Variants in ZNF343 observed in about 807,000 individuals in gnomAD.
ZNF343 encodes the protein zinc finger protein 343.
Under a neutral mutation model 13.8 loss-of-function variants are expected in ZNF343, and 11 were observed. That is an observed-to-expected ratio of 0.80 (90% CI 0.50 to 1.32). The LOEUF is 1.32. Ranked by LOEUF, ZNF343 falls within the 40% of genes most tolerant of loss-of-function variation. ZNF343 has a pLI of 0.00. For missense variants in ZNF343, 658 were observed against 714.2 expected (o/e 0.92, Z 0.90); for synonymous variants, 248 against 260.0 (o/e 0.95, Z 0.44).
chr20:2,484,491 T>C lies in ZNF343; in HGVS notation c.470A>G (p.Gln157Arg). 1 of 1,614,236 alleles carries C rather than the reference T, an allele frequency of 6.2e-7. No homozygotes were observed. The highest frequency in any genetic ancestry group is 8.5e-7 in the Non-Finnish European group (1 of 1,180,046). The change falls in exon 6 of 6, where the codon CAG becomes CGG. Residue 157 changes from glutamine (Q) to arginine (R), a missense_variant. By Grantham distance (43) the Gln-to-Arg change is conservative. Transcript: ENST00000278772. ...AAACCAACAGCTTACATGGGAATAC[T>C]GCTGCCCCTGCTGTTTCCAATGCCC... ...SPGHWKQQGQ[Q>R]YSHVSCWFEN... is the part of the protein sequence containing the mutation.
rs572467805 is a variant in ZNF343 at position 2,501,513 on chromosome 20, C to G, written c.-236-771G>C. 2.0e-5 allele frequency among the ~76,000 whole-genome samples: 3 copies of G among 152,348 alleles called. No homozygotes were observed. In the East Asian group the frequency reaches 5.8e-4, roughly 29 times the overall value. ...AGATCTGAGAATGGACAGACTGCCT[C>G]CTCAGGTGGGTCCCTGACCCCTGAG... On this transcript the variant is annotated intron_variant, in intron 1 of 5. Transcript: ENST00000278772.
rs561489880 is a variant in ZNF343 at position 2,517,019 on chromosome 20, C to T, written c.-347+7436G>A. On this transcript the variant is annotated intron_variant, in intron 1 of 6. Coordinates refer to the ZNF343 transcript ENST00000358413. The stretch of plus-strand genomic sequence containing the variant: ...TTAAGTCAGAATCATACATTCATAT[C>T]TAAGGTAACTCACTATGGTGAATTC... 2.7e-3 allele frequency among the ~76,000 whole-genome samples: 416 copies of T among 152,258 alleles called. 4 individuals are homozygous for T. Among genetic ancestry groups the T allele is most frequent in the African/African-American group, 9.7e-3 (405 of 41,544 alleles).
chr20:2,492,274 G>A (rs2085378392), intron 5 of ZNF343, among the ~76,000 whole-genome samples: 1 of 151,808 alleles, frequency 6.6e-6, no homozygotes, highest in Non-Finnish European at 1.5e-5. Flanking sequence ...CCTTCATTAA[G>A]GTCTTCGTGT....
chr20:2,520,050 T>G (rs4813518), intron 1 of ZNF343, among the ~76,000 whole-genome samples: 69,587 of 151,794 alleles, frequency 0.46, 16,414 homozygotes, highest in Admixed American at 0.51. Flanking sequence ...GGAGAGTCTG[T>G]TTCTTAGCTT....
chr20:2,519,576 C>T lies in ZNF343; in HGVS notation c.-347+4879G>A, dbSNP rs905037139. 3.9e-5 allele frequency among the ~76,000 whole-genome samples: 6 copies of T among 152,306 alleles called. No homozygotes were observed. The East Asian group carries it at 9.6e-4, about 24-fold the overall frequency. ...TGAAGCAATTCCTTATACTAAATCT[C>T]CATATGTGTGTGTGCATGTGTGTGT... On this transcript the variant is annotated intron_variant, in intron 1 of 6. Coordinates refer to the ZNF343 transcript ENST00000358413.
At chr20:2,496,071 AG>A (rs1568482372) in intron 2 of ZNF343, among the ~76,000 whole-genome samples, 1 of 152,198 alleles carries the variant, frequency 6.6e-6, no homozygotes, top group South Asian at 2.1e-4. Flanking sequence ...AGTGGGGTTT[AG>A]GGGCAAGGAG....
Position 2,483,020 on chromosome 20 carries a change from T to A in ZNF343, c.*141A>T. On this transcript the variant is annotated 3_prime_UTR_variant, in exon 6 of 6. Coordinates refer to ENST00000278772, the MANE Select transcript of ZNF343 (RefSeq NM_024325.6). ...CTGAACGTGTCCCTCCCATGCCTGA[T>A]AAGGGCTGACACATCTCTGGAACTT... 1 of 1,027,606 alleles carries A rather than the reference T, an allele frequency of 9.7e-7. No homozygotes were observed. Among genetic ancestry groups the A allele is most frequent in the Non-Finnish European group, 1.4e-6 (1 of 717,142 alleles). The allele number at this position is 1,027,606 out of a possible 1,614,324, so 63.7% of individuals were successfully genotyped here.
chr20:2,517,148 A>C (rs2085762623), intron 1 of ZNF343, among the ~76,000 whole-genome samples: 1 of 152,208 alleles, frequency 6.6e-6, no homozygotes, highest in African/African-American at 2.4e-5. Flanking sequence ...GATATGTTTC[A>C]TTGTGCATTA....
chr20:2,496,870 C>T (rs1372457571), intron 2 of ZNF343, among the ~76,000 whole-genome samples: 2 of 152,102 alleles, frequency 1.3e-5, no homozygotes, highest in African/African-American at 4.8e-5. Context: ...CACCTGAGGT[C>T]GGGAGTTTGA....
At chr20:2,505,863 A>G (rs2085647110) in intron 1 of ZNF343, among the ~76,000 whole-genome samples, 1 of 152,248 alleles carries the variant, frequency 6.6e-6, no homozygotes, top group Admixed American at 6.5e-5. Context: ...AGACAATACC[A>G]TTCAGGACAT....
Position 2,483,552 on chromosome 20 carries a change from C to T in ZNF343, c.1409G>A (p.Cys470Tyr), listed in dbSNP as rs1006605630. 6.2e-7 allele frequency: 1 copy of T among 1,612,878 alleles called. No homozygotes were observed. The highest frequency in any genetic ancestry group is 1.3e-5 in the African/African-American group (1 of 74,616). Residue 470 changes from cysteine (C) to tyrosine (Y), a missense_variant, in exon 6 of 6, where the codon TGT becomes TAT. By Grantham distance (194) the Cys-to-Tyr change is radical. Transcript: ENST00000278772. ...TGATTTCCGACTAAAGCCTCGGCCACACTCACCACACACATAAGGCTTCTC... is the reference window on the plus strand; with the variant it reads ...TGATTTCCGACTAAAGCCTCGGCCATACTCACCACACACATAAGGCTTCTC... ...SGEKPYVCGE[C>Y]GRGFSRKSLL... is the part of the protein sequence containing the mutation.
At chr20:2,492,557 A>G (rs1568479136) in intron 5 of ZNF343, 142 bp downstream of exon 5, 4 of 921,086 alleles carry the variant, frequency 4.3e-6, no homozygotes, top group Admixed American at 5.8e-5. Flanking sequence ...CTTACACTAG[A>G]AAGTAAGCCC....
intron 1 of ZNF343, among the ~76,000 whole-genome samples, chr20:2,520,234 C>T (rs765678305): frequency 1.3e-5 from 2 of 152,084 alleles, no homozygotes; most frequent in African/African-American, 4.8e-5. Flanking sequence ...ACTTTATGAG[C>T]TAGTTTGTAT....
intron 1 of ZNF343, among the ~76,000 whole-genome samples, chr20:2,502,521 A>G (rs1289649012): frequency 6.6e-6 from 1 of 152,176 alleles, no homozygotes; most frequent in Non-Finnish European, 1.5e-5. Context: ...CAGATTCACC[A>G]AAGTTGAAAT....
intron 1 of ZNF343, among the ~76,000 whole-genome samples, chr20:2,505,747 A>C (rs926128220): frequency 2.0e-5 from 3 of 152,192 alleles, no homozygotes; most frequent in Non-Finnish European, 2.9e-5. Context: ...ATATGTAGAA[A>C]GCTGAAACTG....
At chr20:2,513,999 A>G (rs1314071196) in intron 1 of ZNF343, among the ~76,000 whole-genome samples, 1 of 152,226 alleles carries the variant, frequency 6.6e-6, no homozygotes, top group Non-Finnish European at 1.5e-5. Flanking sequence ...TGACCACTTA[A>G]TGGGCACAGG....
Position 2,484,566 on chromosome 20 carries a change from A to G in ZNF343, c.395T>C (p.Phe132Ser). Reference sequence around the variant, plus strand: ...GTGATTTTCTGCACATAAGCCCAGGAAGATCTGAAGTACATGTTGACTGAG... The same window carrying G: ...GTGATTTTCTGCACATAAGCCCAGGGAGATCTGAAGTACATGTTGACTGAG... ...QFLSQHVLQI[F>S]LGLCAENHFH... The change falls in exon 6 of 6, where the codon TTC (phenylalanine) becomes TCC (serine). Residue 132 changes from phenylalanine to serine, a missense_variant. Phe to Ser is a radical substitution (Grantham distance 155, BLOSUM62 -2). Coordinates refer to ENST00000278772, the MANE Select transcript of ZNF343 (RefSeq NM_024325.6). The G allele has an allele frequency of 1.9e-6, 3 of 1,614,194 alleles. No homozygotes were observed. The highest frequency in any genetic ancestry group is 2.5e-6 in the Non-Finnish European group (3 of 1,179,992).
At chr20:2,487,013 C>CA (rs2085291773) in intron 5 of ZNF343, among the ~76,000 whole-genome samples, 1 of 151,998 alleles carries the variant, frequency 6.6e-6, no homozygotes, top group Admixed American at 6.6e-5. Flanking sequence ...TTCATTGTTC[C>CA]AAAAAAACTT....
intron 5 of ZNF343, among the ~76,000 whole-genome samples, chr20:2,489,124 G>T (rs1228044556): frequency 1.3e-5 from 2 of 152,132 alleles, no homozygotes; most frequent in African/African-American, 2.4e-5. Flanking sequence ...TTTGTTGAAC[G>T]TAGTAATGGT....
Sources: allele counts gnomAD v4.1 joint callset (sites outside exome capture counted in the v4.1 genomes callset), GRCh38; gene constraint gnomAD v4.1.1; transcripts MANE v1.5; gene names NCBI Gene and HGNC (gene_info 2026-07-23, HGNC 2026-07-21).